PTPRD: variants seen among roughly 807,000 people sequenced by gnomAD.
PTPRD encodes receptor-type tyrosine-protein phosphatase delta.
A neutral mutation model predicts 214.5 loss-of-function variants in PTPRD; 34 were observed. The observed-to-expected ratio is 0.16, with a 90% CI of 0.12 to 0.21. The LOEUF (loss-of-function observed/expected upper bound fraction) is 0.21, where lower values mean the gene tolerates loss of function less well. Ranked by LOEUF, PTPRD falls within the 10% of genes least tolerant of loss-of-function variation. The pLI is 1.00. For missense variants in PTPRD, 2,545 were observed against 2,398.7 expected (o/e 1.06, Z -1.27); for synonymous variants, 1,128 against 845.7 (o/e 1.33, Z -5.79).
chr9:10,140,049 A>C (rs907083920), intron 3 of PTPRD, among the ~76,000 whole-genome samples: 2 of 152,078 alleles, frequency 1.3e-5, no homozygotes, highest in Non-Finnish European at 2.9e-5. Context: ...GGCCTAACTA[A>C]ATTAAAGAGC....
At chr9:10,582,226 C>G (rs1343088640) in intron 2 of PTPRD, among the ~76,000 whole-genome samples, 1 of 152,148 alleles carries the variant, frequency 6.6e-6, no homozygotes, top group Non-Finnish European at 1.5e-5. Flanking sequence ...CAAGAAGCAG[C>G]ATGAGCCATT....
chr9:9,377,724 G>A (rs112188961), intron 9 of PTPRD, among the ~76,000 whole-genome samples: 1 of 152,038 alleles, frequency 6.6e-6, no homozygotes, highest in Non-Finnish European at 1.5e-5. Context: ...AAAAATGTTG[G>A]CACAGATGAA....
At position 10,400,336 on chromosome 9, in the gene PTPRD, C is replaced by G. The variant is rs370590547; in HGVS notation, c.-599-59319G>C. Among the ~76,000 whole-genome samples, 11 of 151,844 alleles carry G rather than the reference C, an allele frequency of 7.2e-5. No homozygotes were observed. In the East Asian group the frequency reaches 1.8e-3, roughly 24 times the overall value. On this transcript the variant is annotated intron_variant, in intron 2 of 45. Transcript: ENST00000381196. ...TATTAATGTGGTTATTATATTATTA[C>G]TATTATCATTTTCTCTAGTCAAGAC...
intron 12 of PTPRD, among the ~76,000 whole-genome samples, chr9:8,639,063 G>C (rs1201436990): frequency 6.6e-6 from 1 of 152,050 alleles, no homozygotes; most frequent in Admixed American, 6.6e-5. Flanking sequence ...GAATGGTCTC[G>C]ATCTCGTCAC....
chr9:9,343,067 CT>C (rs1176143170), intron 9 of PTPRD, among the ~76,000 whole-genome samples: 3 of 151,990 alleles, frequency 2.0e-5, no homozygotes, highest in African/African-American at 7.2e-5. Context: ...TGAACTCATC[CT>C]TTTTTATAGC....
At chr9:10,379,817 TAG>T (rs1438467449) in intron 2 of PTPRD, among the ~76,000 whole-genome samples, 10 of 152,236 alleles carry the variant, frequency 6.6e-5, no homozygotes. Context: ...CAAATGTGTG[TAG>T]AGATTACCAA....
intron 11 of PTPRD, among the ~76,000 whole-genome samples, chr9:8,783,589 T>C (rs751244037): frequency 6.6e-6 from 1 of 152,186 alleles, no homozygotes; most frequent in African/African-American, 2.4e-5. Flanking sequence ...GAAGTAGGAA[T>C]TTAGTCCCAC....
intron 39 of PTPRD, among the ~76,000 whole-genome samples, chr9:8,349,836 T>C (rs766016887): frequency 3.3e-5 from 5 of 152,132 alleles, no homozygotes; most frequent in Non-Finnish European, 2.9e-5. Context: ...CTTTTTATTT[T>C]CCGGTGAGGA....
At chr9:9,524,998 C>A (rs528560828) in intron 8 of PTPRD, among the ~76,000 whole-genome samples, 1 of 152,288 alleles carries the variant, frequency 6.6e-6, no homozygotes, top group South Asian at 2.1e-4. Flanking sequence ...GCGGGGACTA[C>A]AGGCGCCCGC....
Position 8,496,732 on chromosome 9 carries a change from C to G in PTPRD, c.2349+510G>C, listed in dbSNP as rs563505107. Among the ~76,000 whole-genome samples, 17 of 152,304 alleles carry G rather than the reference C, an allele frequency of 1.1e-4. No homozygotes were observed. The South Asian group carries it at 3.3e-3, about 30-fold the overall frequency. ...TTATGAGCATTATGAGCAGCCTACA[C>G]CAAACAATCTGACATCTCCAGTCTG... On this transcript the variant is annotated intron_variant, in intron 26 of 45. Transcript: ENST00000381196.
intron 3 of PTPRD, among the ~76,000 whole-genome samples, chr9:10,105,676 AC>A (rs1371783987): frequency 6.6e-6 from 1 of 151,860 alleles, no homozygotes; most frequent in Admixed American, 6.6e-5. Flanking sequence ...GGTTTTTAAT[AC>A]CAAAAGATGT....
At chr9:9,380,349 AATTT>A (rs1170308849) in intron 9 of PTPRD, among the ~76,000 whole-genome samples, 1 of 151,992 alleles carries the variant, frequency 6.6e-6, no homozygotes, top group Non-Finnish European at 1.5e-5. Context: ...AGAAGAATGC[AATTT>A]ATTATTTATA....
chr9:9,363,744 C>T (rs575184303), intron 9 of PTPRD, among the ~76,000 whole-genome samples: 5 of 151,288 alleles, frequency 3.3e-5, no homozygotes, highest in African/African-American at 1.2e-4. Flanking sequence ...CTTTGTGAGC[C>T]TGTAGAATCT....
intron 2 of PTPRD, among the ~76,000 whole-genome samples, chr9:10,498,174 A>G (rs1001489107): frequency 3.3e-5 from 5 of 151,966 alleles, no homozygotes; most frequent in African/African-American, 1.2e-4. Flanking sequence ...GTAGCAAGAC[A>G]TGACATGCTA....
chr9:10,359,494 C>CA (rs1169585567), intron 2 of PTPRD, among the ~76,000 whole-genome samples: 4 of 151,896 alleles, frequency 2.6e-5, no homozygotes, highest in South Asian at 4.1e-4. Flanking sequence ...TTTTAAATCT[C>CA]AAAAAATGCT....
chr9:8,913,513 T>C (rs913414740), intron 11 of PTPRD, among the ~76,000 whole-genome samples: 52 of 152,270 alleles, frequency 3.4e-4, no homozygotes, highest in African/African-American at 1.1e-3. Flanking sequence ...ATTCTGAGTC[T>C]GCATACATCT....
chr9:8,753,918 T>C (rs113233362), intron 11 of PTPRD, among the ~76,000 whole-genome samples: 1 of 151,714 alleles, frequency 6.6e-6, no homozygotes, highest in Non-Finnish European at 1.5e-5. Flanking sequence ...GCTGAGGAGG[T>C]TGGATCACCT....
chr9:8,835,851 T>G (rs547417826), intron 11 of PTPRD, among the ~76,000 whole-genome samples: 1 of 152,288 alleles, frequency 6.6e-6, no homozygotes, highest in South Asian at 2.1e-4. Context: ...TTATTCTTCA[T>G]AATACTCACC....
chr9:8,768,241 T>A (rs59095682), intron 11 of PTPRD, among the ~76,000 whole-genome samples: 6,719 of 152,056 alleles, frequency 0.044, 379 homozygotes, highest in African/African-American at 0.13. Context: ...ATTAAAAAAA[T>A]TAAAAAATAA....
Sources: gnomAD v4.1 joint callset for allele counts (sites outside exome capture counted in the v4.1 genomes callset) on GRCh38, gnomAD v4.1.1 for gene constraint, MANE v1.5 for transcripts, NCBI Gene and HGNC (gene_info 2026-07-23, HGNC 2026-07-21) for gene names.